TTC4: variants seen among roughly 807,000 people sequenced by gnomAD.
The protein encoded by TTC4 is tetratricopeptide repeat domain 4, also known as hsp70/Hsp90 co-chaperone CNS1 homolog.
TTC4 carries 36 observed loss-of-function variants against 51.9 expected under a neutral mutation model. That is an observed-to-expected ratio of 0.69 (90% CI 0.53 to 0.92). The LOEUF is 0.92. TTC4 is among the 40% of genes least tolerant of loss of function. TTC4 has a pLI of 0.00. For missense variants in TTC4, 399 were observed against 454.6 expected (o/e 0.88, Z 1.11); for synonymous variants, 144 against 164.2 (o/e 0.88, Z 0.94).
chr1:54,729,388 C>G (rs915955464), intron 6 of TTC4, among the ~76,000 whole-genome samples: 7 of 152,216 alleles, frequency 4.6e-5, no homozygotes, highest in Admixed American at 3.3e-4. Flanking sequence ...TTAAGCTTCA[C>G]AGTGGCCTTC....
At chr1:54,717,883 G>T (rs1345446957) in intron 3 of TTC4, 1 of 367,356 alleles carries the variant, frequency 2.7e-6, no homozygotes, top group Non-Finnish European at 4.8e-6. Flanking sequence ...GGTCACTCAA[G>T]TAAGGTGTTT....
chr1:54,722,077 T>C (rs1645749416), intron 4 of TTC4, among the ~76,000 whole-genome samples: 1 of 152,214 alleles, frequency 6.6e-6, no homozygotes. Context: ...TTTGAAATTC[T>C]GTGGAAAACC....
chr1:54,719,043 G>A (rs1375795844), intron 3 of TTC4, among the ~76,000 whole-genome samples: 3 of 152,100 alleles, frequency 2.0e-5, no homozygotes, highest in African/African-American at 4.8e-5. Flanking sequence ...TAGGAGAAGA[G>A]GACCAAGGGC....
At chr1:54,738,675 T>TTTTTTTTTGAGAC (rs1645976650) in intron 9 of TTC4, among the ~76,000 whole-genome samples, 1 of 151,358 alleles carries the variant, frequency 6.6e-6, no homozygotes, top group East Asian at 1.9e-4. Context: ...TTTTTTTTTT[T>TTTTTTTTTGAGAC]GAGACGACAT....
intron 7 of TTC4, among the ~76,000 whole-genome samples, chr1:54,733,380 C>G (rs1316372132): frequency 6.6e-6 from 1 of 151,044 alleles, no homozygotes; most frequent in African/African-American, 2.4e-5. Flanking sequence ...TATCATGCCA[C>G]TGTACTCTAG....
chr1:54,737,333 G>A, intron 8 of TTC4: 1 of 433,028 alleles, frequency 2.3e-6, no homozygotes, highest in East Asian at 4.5e-5. Context: ...TTACCAGCAG[G>A]GTAATGTTGG....
chr1:54,720,722 C>T lies in TTC4; in HGVS notation c.392-441C>T, dbSNP rs150985485. On this transcript the variant is annotated intron_variant, in intron 3 of 9. Coordinates refer to ENST00000371281, the MANE Select transcript of TTC4 (RefSeq NM_004623.5). ...ACAATTAAAGTAATGCTGTAGTTAA[C>T]ATGCTTTTACATTTATCCCTGCACA... Among the ~76,000 whole-genome samples, 23 of 152,234 alleles carry T rather than the reference C, an allele frequency of 1.5e-4. No individual in the cohort carries two copies. In the East Asian group the frequency reaches 4.1e-3, roughly 27 times the overall value.
At chr1:54,736,175 G>GAGA (rs1645930940) in intron 8 of TTC4, among the ~76,000 whole-genome samples, 2 of 100,664 alleles carry the variant, frequency 2.0e-5, no homozygotes, top group Admixed American at 2.1e-4. Context: ...AAGAAAGAAA[G>GAGA]GAGAGAGAGA....
chr1:54,738,552 A>G (rs1489228747), intron 9 of TTC4, among the ~76,000 whole-genome samples: 2 of 152,186 alleles, frequency 1.3e-5, no homozygotes, highest in Non-Finnish European at 2.9e-5. Flanking sequence ...GTGTGATGAT[A>G]GCCCACTGCA....
At chr1:54,737,429 G>C (rs1645959109) in intron 8 of TTC4, 153 bp from the exon 9 acceptor site, 1 of 598,328 alleles carries the variant, frequency 1.7e-6, no homozygotes, top group Non-Finnish European at 2.9e-6. Flanking sequence ...ATGGCGGGGG[G>C]GTACTAAATG....
chr1:54,718,972 T>G (rs560998424), intron 3 of TTC4, among the ~76,000 whole-genome samples: 1 of 151,942 alleles, frequency 6.6e-6, no homozygotes, highest in Non-Finnish European at 1.5e-5. Context: ...ATTTTTCTTT[T>G]TCTTTTTTAC....
Position 54,722,753 on chromosome 1 carries a change from A to G in TTC4, c.548A>G (p.Lys183Arg). ...WCDEGLQIDA[K>R]EKKLLEMRAK... ...GATGAGGGACTGCAAATAGATGCCA[A>G]AGAGAAGAAGCTTCTGGAAATGAGG... The change falls in exon 5 of 10, where the codon AAA becomes AGA. Residue 183 changes from lysine to arginine, a missense_variant. By Grantham distance (26) the Lys-to-Arg change is conservative. Transcript: ENST00000371281. 1 of 1,614,068 alleles carries G rather than the reference A, an allele frequency of 6.2e-7. No homozygotes were observed. The highest frequency in any genetic ancestry group is 8.5e-7 in the Non-Finnish European group (1 of 1,179,932).
At chr1:54,731,316 C>T (rs992184258) in intron 6 of TTC4, among the ~76,000 whole-genome samples, 170 bp from the exon 7 acceptor site, 44 of 151,724 alleles carry the variant, frequency 2.9e-4, no homozygotes, top group African/African-American at 9.9e-4. Flanking sequence ...TAAAGTTAGT[C>T]GTGCAGCCTG....
At chr1:54,724,179 A>G (rs766601303) in intron 5 of TTC4, among the ~76,000 whole-genome samples, 13 of 152,212 alleles carry the variant, frequency 8.5e-5, no homozygotes, top group African/African-American at 3.1e-4. Flanking sequence ...TGCTTGGCAT[A>G]TAGCCAACAG....
At chr1:54,722,060 C>G (rs1446569535) in intron 4 of TTC4, among the ~76,000 whole-genome samples, 1 of 151,778 alleles carries the variant, frequency 6.6e-6, no homozygotes, top group African/African-American at 2.4e-5. Flanking sequence ...CCTTACAATG[C>G]TTATATTTTG....
At chr1:54,731,218 GT>G (rs77068739) in intron 6 of TTC4, among the ~76,000 whole-genome samples, 1 of 149,620 alleles carries the variant, frequency 6.7e-6, no homozygotes, top group African/African-American at 2.5e-5. Flanking sequence ...TTGTTATGGT[GT>G]TTTTTTTTGT....
chr1:54,741,607 T>C lies in TTC4; in HGVS notation c.*94T>C, dbSNP rs1646012611. The C allele has an allele frequency of 1.9e-6, 2 of 1,056,944 alleles. No individual in the cohort carries two copies. Among genetic ancestry groups the C allele is most frequent in the South Asian group, 1.3e-5 (1 of 77,434 alleles). 65.5% of individuals were successfully genotyped at this position (1,056,944 alleles called of 1,614,324 possible). On this transcript the variant is annotated 3_prime_UTR_variant, in exon 10 of 10. Transcript: ENST00000371281. ...TGGACATACTGCTGGAGTCCAGTGC[T>C]TTCTTTCCGTCACCCTGGGGATAGT...
At position 54,722,914 on chromosome 1, in the gene TTC4, C is replaced by T. The variant is rs545337819; in HGVS notation, c.594+115C>T. On this transcript the variant is annotated intron_variant, in intron 5 of 9. Transcript: ENST00000371281. ...TTAAAAACAAAACCCAAAACTAGTCCCTACTCCTGGAACTCTGTGGAGCAC... is the reference window on the plus strand; with the variant it reads ...TTAAAAACAAAACCCAAAACTAGTCTCTACTCCTGGAACTCTGTGGAGCAC... 1.8e-5 allele frequency: 25 copies of T among 1,382,394 alleles called. No homozygotes were observed. In the South Asian group the frequency reaches 3.3e-4, roughly 18 times the overall value. 85.6% of individuals were successfully genotyped at this position (1,382,394 alleles called of 1,614,324 possible). A position where few individuals can be genotyped will look rare whatever the true frequency, so the allele number is the denominator to read the frequency against.
chr1:54,728,476 C>T (rs1245764058), intron 6 of TTC4, 44 bp downstream of exon 6: 1 of 1,558,952 alleles, frequency 6.4e-7, no homozygotes, highest in Non-Finnish European at 8.8e-7. Flanking sequence ...GCTAAATCCA[C>T]TAATCCTGTG....
Sources: allele counts gnomAD v4.1 joint callset (sites outside exome capture counted in the v4.1 genomes callset), GRCh38; gene constraint gnomAD v4.1.1; transcripts MANE v1.5; gene names NCBI Gene and HGNC (gene_info 2026-07-23, HGNC 2026-07-21).